QTGAL: variants seen among roughly 807,000 people sequenced by gnomAD.
The protein encoded by QTGAL is queuosine-tRNA galactosyltransferase, also known as BGnT-like protein 1.
At chr17:83,013,943 C>T in the QTGAL span, among the ~76,000 whole-genome samples, 2 of 152,146 alleles carry the variant, frequency 1.3e-5, no homozygotes, top group East Asian at 1.9e-4. Context: ...GGCCATGTGT[C>T]CCCACCATCT....
At chr17:83,017,171 G>A in the QTGAL span, among the ~76,000 whole-genome samples, 8 of 152,196 alleles carry the variant, frequency 5.3e-5, 1 homozygote, top group East Asian at 1.9e-4. Flanking sequence ...GAAGGATGGC[G>A]CTCAGCAGAG....
chr17:82,963,521 C>T, the QTGAL span, among the ~76,000 whole-genome samples: 1 of 152,128 alleles, frequency 6.6e-6, no homozygotes, highest in African/African-American at 2.4e-5. Flanking sequence ...GCAACAAACC[C>T]CAAACCAGGA....
the QTGAL span, chr17:83,005,616 C>T: frequency 1.0e-5 from 7 of 702,750 alleles, no homozygotes; most frequent in Admixed American, 4.0e-5. The surrounding 1 kb of genome is among the most constrained non-coding windows in gnomAD (Gnocchi z 5.6). Context: ...AAACCGCTGC[C>T]TGTCCGCAGG....
chr17:82,992,304 A>C, the QTGAL span, among the ~76,000 whole-genome samples: 1 of 152,122 alleles, frequency 6.6e-6, no homozygotes, highest in Non-Finnish European at 1.5e-5. Flanking sequence ...TACAAGCAGC[A>C]AGAGAAAAGA....
chr17:82,958,908 CTG>C, the QTGAL span, among the ~76,000 whole-genome samples: 1 of 64,246 alleles, frequency 1.6e-5, no homozygotes, highest in African/African-American at 9.2e-5. Context: ...TGTGTGTATA[CTG>C]TGTGGGGGTG....
the QTGAL span, chr17:83,048,899 T>C: frequency 1.0e-5 from 8 of 800,054 alleles, no homozygotes; most frequent in Admixed American, 1.0e-4. Flanking sequence ...ACAAAAGGTG[T>C]CCACTCCTTT....
the QTGAL span, among the ~76,000 whole-genome samples, chr17:82,959,415 G>A: frequency 1.9e-3 from 287 of 151,736 alleles, no homozygotes; most frequent in African/African-American, 3.2e-3. Flanking sequence ...GTATACTTTC[G>A]TGCACGTATG....
At chr17:82,996,940 C>T in the QTGAL span, among the ~76,000 whole-genome samples, 4,885 of 152,276 alleles carry the variant, frequency 0.032, 94 homozygotes, top group Non-Finnish European at 0.049. Context: ...AACTATGAAA[C>T]TACTGAAAGA....
chr17:82,957,415 C>A, the QTGAL span: 28 of 1,612,992 alleles, frequency 1.7e-5, no homozygotes, highest in Non-Finnish European at 2.4e-5. Flanking sequence ...TGCTTGCCAG[C>A]GTTCCAGATG....
chr17:83,051,637 C>T, the QTGAL span: 3 of 1,177,696 alleles, frequency 2.5e-6, no homozygotes, highest in Non-Finnish European at 2.2e-6. Context: ...AGAGGCGGTG[C>T]GGGGCTGCGA....
chr17:82,980,114 C>A, the QTGAL span, among the ~76,000 whole-genome samples: 5 of 152,166 alleles, frequency 3.3e-5, no homozygotes, highest in Non-Finnish European at 5.9e-5. Context: ...AACTATAAAA[C>A]TTTTAGAAGA....
At chr17:83,005,554 G>C in the QTGAL span, 1 of 702,522 alleles carries the variant, frequency 1.4e-6, no homozygotes. This position sits in a 1 kb window ranked among gnomAD's most constrained non-coding sequence, Gnocchi z 5.6. Flanking sequence ...TATGCAAGGT[G>C]AGTTATTTCT....
chr17:82,967,980 A>C, the QTGAL span, among the ~76,000 whole-genome samples: 1 of 152,192 alleles, frequency 6.6e-6, no homozygotes, highest in Non-Finnish European at 1.5e-5. Flanking sequence ...CACTGACAGT[A>C]CCAAGTAAAA....
chr17:83,021,543 T>G, the QTGAL span, among the ~76,000 whole-genome samples: 1 of 152,150 alleles, frequency 6.6e-6, no homozygotes, highest in East Asian at 1.9e-4. Context: ...CATGGAGAGA[T>G]ATACTATGTT....
chr17:83,027,006 A>G, the QTGAL span, among the ~76,000 whole-genome samples: 14,773 of 108,186 alleles, frequency 0.14, 895 homozygotes, highest in East Asian at 0.29. Flanking sequence ...AGACACACAG[A>G]GCGGGGCAGG....
the QTGAL span, chr17:82,965,618 G>T: frequency 1.5e-5 from 23 of 1,554,564 alleles, no homozygotes; most frequent in South Asian, 1.9e-4. Flanking sequence ...CCGAACCTGG[G>T]GGAGGGACCT....
the QTGAL span, among the ~76,000 whole-genome samples, chr17:82,979,197 G>A: frequency 2.0e-5 from 3 of 152,146 alleles, no homozygotes; most frequent in Non-Finnish European, 4.4e-5. Flanking sequence ...TCTTTGAAGA[G>A]ATTAATAAAA....
the QTGAL span, chr17:82,947,163 T>A: frequency 1.8e-6 from 1 of 551,842 alleles, no homozygotes; most frequent in Non-Finnish European, 3.2e-6. Context: ...CAGCCGGCAC[T>A]GCTTGTACCA....
the QTGAL span, among the ~76,000 whole-genome samples, chr17:82,951,961 G>A: frequency 4.6e-5 from 7 of 152,058 alleles, no homozygotes; most frequent in Non-Finnish European, 7.4e-5. Context: ...GAATTAACAC[G>A]TGGAGATGGG....
Sources: gnomAD v4.1 joint callset for allele counts (sites outside exome capture counted in the v4.1 genomes callset) on GRCh38, gnomAD v4.1.1 for gene constraint, Gnocchi (gnomAD v3.1) non-coding constraint, MANE v1.5 for transcripts, NCBI Gene and HGNC (gene_info 2026-07-23, HGNC 2026-07-21) for gene names.